CAB39: variants seen among roughly 807,000 people sequenced by gnomAD.
CAB39 encodes calcium-binding protein 39.
Under a neutral mutation model 40.0 loss-of-function variants are expected in CAB39, and 8 were observed. The observed-to-expected ratio is 0.20, with a 90% CI of 0.12 to 0.36. CAB39 has a LOEUF of 0.36. Ranked by LOEUF, CAB39 falls within the 10% of genes least tolerant of loss-of-function variation. The pLI is 1.00. For synonymous variants in CAB39, 156 were observed against 141.6 expected (o/e 1.10, Z -0.72); for missense variants, 270 against 401.1 (o/e 0.67, Z 2.79).
chr2:230,784,549 G>C (rs1430115908), intron 2 of CAB39, among the ~76,000 whole-genome samples: 2 of 152,104 alleles, frequency 1.3e-5, no homozygotes, highest in Non-Finnish European at 2.9e-5. Flanking sequence ...TAGCCAAGGT[G>C]AATGAGGCAA....
chr2:230,788,325 T>A (rs1284344634), intron 2 of CAB39, among the ~76,000 whole-genome samples: 3 of 151,934 alleles, frequency 2.0e-5, no homozygotes, highest in Non-Finnish European at 4.4e-5. Flanking sequence ...TCAGGAAATA[T>A]ACTACTTCAG....
chr2:230,720,591 A>G (rs1694431439), intron 1 of CAB39, among the ~76,000 whole-genome samples: 1 of 152,112 alleles, frequency 6.6e-6, no homozygotes. Flanking sequence ...GCGCGCCACC[A>G]TGCATGGCTA....
intron 2 of CAB39, among the ~76,000 whole-genome samples, chr2:230,761,938 C>T (rs923842246): frequency 3.3e-5 from 5 of 151,088 alleles, no homozygotes; most frequent in African/African-American, 1.2e-4. Flanking sequence ...GATGGAGTCT[C>T]GCTCGGTTAG....
intron 2 of CAB39, among the ~76,000 whole-genome samples, chr2:230,772,827 A>C (rs1695508029): frequency 6.6e-6 from 1 of 152,038 alleles, no homozygotes; most frequent in South Asian, 2.1e-4. Flanking sequence ...CAACCATATG[A>C]TCTAGCCATT....
At chr2:230,766,373 G>GGA (rs1325489428) in intron 2 of CAB39, among the ~76,000 whole-genome samples, 2 of 152,102 alleles carry the variant, frequency 1.3e-5, no homozygotes, top group Non-Finnish European at 2.9e-5. Context: ...GAGTTTATTA[G>GGA]GAGAGAGAGA....
At chr2:230,750,517 C>T (rs371868025) in intron 1 of CAB39, among the ~76,000 whole-genome samples, 1 of 152,180 alleles carries the variant, frequency 6.6e-6, no homozygotes, top group South Asian at 2.1e-4. Flanking sequence ...ATTTCAACTG[C>T]TTCTTAAAGC....
intron 4 of CAB39, among the ~76,000 whole-genome samples, chr2:230,795,296 A>G (rs751471492): frequency 2.6e-5 from 4 of 151,230 alleles, no homozygotes; most frequent in African/African-American, 7.3e-5. Context: ...AAAAAGTTCC[A>G]AACAAGGCCC....
intron 1 of CAB39, among the ~76,000 whole-genome samples, chr2:230,743,849 ATG>A: frequency 6.6e-6 from 1 of 151,214 alleles, no homozygotes; most frequent in Non-Finnish European, 1.5e-5. Context: ...AAGTATGTGT[ATG>A]TGTGTGTATA....
At chr2:230,763,979 G>A (rs1055134085) in intron 2 of CAB39, among the ~76,000 whole-genome samples, 49 of 152,054 alleles carry the variant, frequency 3.2e-4, no homozygotes, top group African/African-American at 4.1e-4. Flanking sequence ...AAAATTAGCC[G>A]GGTGTGGTGG....
intron 2 of CAB39, among the ~76,000 whole-genome samples, chr2:230,776,776 C>T (rs1695594954): frequency 1.3e-5 from 2 of 151,918 alleles, no homozygotes; most frequent in Admixed American, 6.6e-5. Flanking sequence ...CTGCAAGCTC[C>T]ACCTCCTGGG....
intron 2 of CAB39, among the ~76,000 whole-genome samples, chr2:230,772,738 G>A (rs1352853594): frequency 6.6e-6 from 1 of 151,866 alleles, no homozygotes; most frequent in Non-Finnish European, 1.5e-5. Context: ...GCCTGCTTCG[G>A]CCTCCCAAAG....
At chr2:230,734,238 T>G (rs114851712) in intron 1 of CAB39, among the ~76,000 whole-genome samples, 335 of 152,376 alleles carry the variant, frequency 2.2e-3, no homozygotes, top group African/African-American at 7.2e-3. Flanking sequence ...CAGGCACTTT[T>G]AAGACTGTCT....
In CAB39 at chr2:230,819,216, A is replaced by C. The variant is rs947614861; in HGVS notation, c.*512A>C. ...AAAATGGGAGTTTGGGGGCAGCTAA[A>C]GTTGACATGCGAATAAATTGATACT... On this transcript the variant is annotated 3_prime_UTR_variant, in exon 9 of 9. Coordinates refer to ENST00000258418, the MANE Select transcript of CAB39 (RefSeq NM_016289.4). The C allele has an allele frequency of 6.6e-6, 1 of 152,432 alleles. No individual in the cohort carries two copies. Among genetic ancestry groups the C allele is most frequent in the African/African-American group, 2.4e-5 (1 of 41,474 alleles). The allele number at this position is 152,432 out of a possible 1,614,324, so 9.4% of individuals were successfully genotyped here. A position where few individuals can be genotyped will look rare whatever the true frequency, so the allele number is the denominator to read the frequency against.
intron 7 of CAB39, among the ~76,000 whole-genome samples, chr2:230,815,677 A>AT (rs1696387480): frequency 6.6e-6 from 1 of 152,156 alleles, no homozygotes; most frequent in Non-Finnish European, 1.5e-5. Context: ...ATAAGGAGAA[A>AT]GGCCTTCAAG....
intron 5 of CAB39, among the ~76,000 whole-genome samples, chr2:230,802,491 A>G (rs1696108183): frequency 6.6e-6 from 1 of 152,190 alleles, no homozygotes; most frequent in Admixed American, 6.5e-5. Flanking sequence ...TGAAAAGATC[A>G]ACAAAATTGA....
At chr2:230,728,804 GA>G (rs1411398838) in intron 1 of CAB39, among the ~76,000 whole-genome samples, 1 of 152,050 alleles carries the variant, frequency 6.6e-6, no homozygotes, top group Non-Finnish European at 1.5e-5. Context: ...GTGGAGACGG[GA>G]TCTCATTTTG....
chr2:230,783,447 T>TGTTTTGTTTTG (rs1261065826), intron 2 of CAB39, among the ~76,000 whole-genome samples: 6 of 106,130 alleles, frequency 5.7e-5, no homozygotes, highest in Non-Finnish European at 9.1e-5. Context: ...TGTCTAGTTT[T>TGTTTTGTTTTG]GTTTTGTTTT....
chr2:230,770,045 C>T (rs1290836491), intron 2 of CAB39, among the ~76,000 whole-genome samples: 2 of 152,094 alleles, frequency 1.3e-5, no homozygotes, highest in African/African-American at 2.4e-5. Flanking sequence ...AGGGAAATTT[C>T]TAGCACTAAA....
chr2:230,801,959 AT>A (rs937726853), intron 5 of CAB39, among the ~76,000 whole-genome samples: 2 of 151,692 alleles, frequency 1.3e-5, no homozygotes, highest in African/African-American at 2.4e-5. Flanking sequence ...ATATTTGTAA[AT>A]TTTTTTTTCT....
Sources: allele counts gnomAD v4.1 joint callset (sites outside exome capture counted in the v4.1 genomes callset), GRCh38; gene constraint gnomAD v4.1.1; transcripts MANE v1.5; gene names NCBI Gene and HGNC (gene_info 2026-07-23, HGNC 2026-07-21).